QTMAN: variants seen among roughly 807,000 people sequenced by gnomAD.
QTMAN encodes tRNA-queuosine alpha-mannosyltransferase.
chr2:144,055,322 CACAG>C, the QTMAN span, among the ~76,000 whole-genome samples: 139 of 146,342 alleles, frequency 9.5e-4, no homozygotes, highest in Non-Finnish European at 1.8e-4. Flanking sequence ...CACACACACA[CACAG>C]ACACACAGAC....
the QTMAN span, among the ~76,000 whole-genome samples, chr2:144,076,397 T>C: frequency 6.6e-6 from 1 of 152,190 alleles, no homozygotes; most frequent in African/African-American, 2.4e-5. Context: ...CTGAAGGGAT[T>C]TTTAAATGGG....
chr2:144,033,623 A>G, the QTMAN span, among the ~76,000 whole-genome samples: 1 of 152,106 alleles, frequency 6.6e-6, no homozygotes, highest in African/African-American at 2.4e-5. Flanking sequence ...ACTGAACTCA[A>G]TCTCTATCCA....
At chr2:143,971,763 A>C in the QTMAN span, among the ~76,000 whole-genome samples, 2 of 152,106 alleles carry the variant, frequency 1.3e-5, no homozygotes, top group African/African-American at 4.8e-5. Flanking sequence ...TCAGCAATTG[A>C]ATTTCTCATT....
At chr2:144,149,468 C>A in the QTMAN span, among the ~76,000 whole-genome samples, 3 of 151,998 alleles carry the variant, frequency 2.0e-5, no homozygotes, top group African/African-American at 7.2e-5. Context: ...TATTACCATG[C>A]TACTACAGAA....
chr2:144,301,678 A>G, the QTMAN span, among the ~76,000 whole-genome samples: 2 of 152,246 alleles, frequency 1.3e-5, no homozygotes, highest in African/African-American at 2.4e-5. Context: ...AAATACAGCC[A>G]TAAGAGGCTC....
the QTMAN span, among the ~76,000 whole-genome samples, chr2:144,320,570 T>A: frequency 6.6e-6 from 1 of 152,276 alleles, no homozygotes; most frequent in East Asian, 1.9e-4. Flanking sequence ...CACCTTCAGG[T>A]CAAATTCCAG....
the QTMAN span, among the ~76,000 whole-genome samples, chr2:144,217,493 ATAAAT>A: frequency 6.6e-6 from 1 of 152,102 alleles, no homozygotes; most frequent in Admixed American, 6.6e-5. Flanking sequence ...AAATGTCACT[ATAAAT>A]TAATATATTA....
At chr2:144,099,487 T>A in the QTMAN span, among the ~76,000 whole-genome samples, 1 of 152,186 alleles carries the variant, frequency 6.6e-6, no homozygotes, top group Non-Finnish European at 1.5e-5. Flanking sequence ...GACTAGGGTA[T>A]GAGGGAAAAA....
At chr2:144,202,818 T>C in the QTMAN span, among the ~76,000 whole-genome samples, 1 of 152,204 alleles carries the variant, frequency 6.6e-6, no homozygotes, top group Non-Finnish European at 1.5e-5. Flanking sequence ...GGGAGCCATA[T>C]AGAACCTTAC....
chr2:144,159,487 T>C, the QTMAN span, among the ~76,000 whole-genome samples: 16 of 151,922 alleles, frequency 1.1e-4, no homozygotes, highest in Non-Finnish European at 2.9e-5. Context: ...GGTTCACAAA[T>C]GGAAAGAAAC....
At chr2:144,027,875 C>T in the QTMAN span, among the ~76,000 whole-genome samples, 28 of 152,180 alleles carry the variant, frequency 1.8e-4, no homozygotes, top group African/African-American at 6.7e-4. Flanking sequence ...GATATCAGCT[C>T]GAGTTCTGGT....
At chr2:144,182,885 TTTATATATA>T in the QTMAN span, among the ~76,000 whole-genome samples, 1 of 79,864 alleles carries the variant, frequency 1.3e-5, no homozygotes, top group African/African-American at 6.1e-5. Flanking sequence ...ATATATATAT[TTTATATATA>T]TATATATTAT....
chr2:143,990,749 A>T, the QTMAN span, among the ~76,000 whole-genome samples: 1 of 152,214 alleles, frequency 6.6e-6, no homozygotes, highest in East Asian at 1.9e-4. Flanking sequence ...ATCAAAATTT[A>T]AAAAACACAT....
At chr2:144,061,385 C>A in the QTMAN span, among the ~76,000 whole-genome samples, 1 of 152,114 alleles carries the variant, frequency 6.6e-6, no homozygotes, top group African/African-American at 2.4e-5. Flanking sequence ...ATTGCATTTT[C>A]TTTGAATTGC....
At chr2:144,018,520 CTACT>C in the QTMAN span, among the ~76,000 whole-genome samples, 1 of 152,128 alleles carries the variant, frequency 6.6e-6, no homozygotes, top group African/African-American at 2.4e-5. Flanking sequence ...ATAAACACTT[CTACT>C]TACTTCAGCT....
At chr2:144,138,146 T>C in the QTMAN span, among the ~76,000 whole-genome samples, 1 of 152,004 alleles carries the variant, frequency 6.6e-6, no homozygotes, top group South Asian at 2.1e-4. Context: ...CAGCAGTCTG[T>C]GTGAAAATCA....
chr2:143,989,175 T>G, the QTMAN span, among the ~76,000 whole-genome samples: 1 of 151,926 alleles, frequency 6.6e-6, no homozygotes, highest in African/African-American at 2.4e-5. Context: ...CTTACATATC[T>G]AAATCCACAT....
At chr2:143,946,385 C>A in the QTMAN span, 1 of 152,204 alleles carries the variant, frequency 6.6e-6, no homozygotes, top group East Asian at 1.9e-4. Context: ...GGAATACCTG[C>A]CAGACCTCTT....
At chr2:144,131,819 C>T in the QTMAN span, among the ~76,000 whole-genome samples, 1 of 151,846 alleles carries the variant, frequency 6.6e-6, no homozygotes. Context: ...CAAGCTTAAC[C>T]TTCTGAACCT....
Sources: gnomAD v4.1 joint callset for allele counts (sites outside exome capture counted in the v4.1 genomes callset) on GRCh38, gnomAD v4.1.1 for gene constraint, MANE v1.5 for transcripts, NCBI Gene and HGNC (gene_info 2026-07-23, HGNC 2026-07-21) for gene names.